The following CDH20 variants were observed in gnomAD, a reference collection of about 807,000 sequenced individuals.
CDH20 encodes the protein cadherin-20.
In CDH20, 29 loss-of-function variants were observed where a neutral mutation model predicts 74.2. The ratio of observed to expected loss-of-function variants is 0.39; its 90% confidence interval spans 0.29 to 0.53. The LOEUF (loss-of-function observed/expected upper bound fraction) is 0.53. Ranked by LOEUF, CDH20 falls within the 20% of genes least tolerant of loss-of-function variation. The pLI, the probability that CDH20 is intolerant of heterozygous loss-of-function variation, is 0.69. For missense variants in CDH20, 988 were observed against 1,048.3 expected (o/e 0.94, Z 0.79); for synonymous variants, 469 against 405.4 (o/e 1.16, Z -1.88).
intron 1 of CDH20, among the ~76,000 whole-genome samples, chr18:61,482,066 T>G (rs1055339980): frequency 6.6e-6 from 1 of 151,298 alleles, no homozygotes; most frequent in Non-Finnish European, 1.5e-5. Flanking sequence ...TTTACCAGGT[T>G]AGCCACAGAG....
chr18:61,499,138 G>A, intron 2 of CDH20, 48 bp from the exon 3 acceptor site: 1 of 1,403,904 alleles, frequency 7.1e-7, no homozygotes, highest in Non-Finnish European at 9.6e-7. Flanking sequence ...TGTGTTTTCT[G>A]ACACCTGTTG....
At chr18:61,550,376 C>T (rs1913393493) in intron 11 of CDH20, 147 bp downstream of exon 11, 1 of 972,092 alleles carries the variant, frequency 1.0e-6, no homozygotes, top group Non-Finnish European at 1.5e-6. Context: ...GCACAAAAAA[C>T]AGTAAAGAAA....
In CDH20 at chr18:61,499,326, G is replaced by A; in HGVS notation, c.387G>A (p.Gln129=). 1 of 1,614,038 alleles carries A rather than the reference G, an allele frequency of 6.2e-7. No individual in the cohort carries two copies. The highest frequency in any genetic ancestry group is 8.5e-7 in the Non-Finnish European group (1 of 1,179,954). ...IQRLDREERA[Q]YTLRAQALDR... The stretch of plus-strand genomic sequence containing the variant: ...GGCTCGACCGAGAGGAAAGAGCCCA[G>A]TATACTCTAAGGGCTCAAGCCCTAG... Residue 129 remains glutamine, a synonymous_variant, in exon 3 of 12, where the codon CAG becomes CAA. Transcript: ENST00000262717.
At chr18:61,492,138 C>T (rs778069312) in intron 2 of CDH20, among the ~76,000 whole-genome samples, 1 of 152,072 alleles carries the variant, frequency 6.6e-6, no homozygotes, top group Non-Finnish European at 1.5e-5. Context: ...GTAGTGTGTC[C>T]AGTAAGAAAC....
At chr18:61,421,761 A>G (rs1912887650) in intron 1 of CDH20, among the ~76,000 whole-genome samples, 1 of 152,184 alleles carries the variant, frequency 6.6e-6, no homozygotes, top group Non-Finnish European at 1.5e-5. Context: ...ATGTATACCT[A>G]ATATGTATCA....
chr18:61,366,994 TG>T (rs1910883650), intron 1 of CDH20, among the ~76,000 whole-genome samples: 1 of 152,160 alleles, frequency 6.6e-6, no homozygotes, highest in South Asian at 2.1e-4. Flanking sequence ...ATCTGTGGTA[TG>T]ACTTAGAGGT....
chr18:61,361,915 T>C (rs1158359774), intron 1 of CDH20, among the ~76,000 whole-genome samples: 1 of 152,198 alleles, frequency 6.6e-6, no homozygotes, highest in Non-Finnish European at 1.5e-5. Flanking sequence ...TGATTATAAT[T>C]ACAGTATTAG....
In CDH20 at chr18:61,348,863, T is replaced by C. The variant is rs923292390; in HGVS notation, c.-153+15036T>C. Among the ~76,000 whole-genome samples the C allele has an allele frequency of 2.6e-5, 4 of 152,302 alleles. No homozygotes were observed. In the East Asian group the frequency reaches 7.7e-4, roughly 29 times the overall value. ...AAAACTATGAATAACTACATTTTAT[T>C]TTTATTCCTTGGAATCTAGGTGTAG... On this transcript the variant is annotated intron_variant, in intron 1 of 11. Coordinates refer to ENST00000262717, the MANE Select transcript of CDH20 (RefSeq NM_031891.4).
At chr18:61,463,948 C>T (rs59523854) in intron 1 of CDH20, among the ~76,000 whole-genome samples, 2,069 of 152,170 alleles carry the variant, frequency 0.014, 50 homozygotes, top group African/African-American at 0.048. Flanking sequence ...CTGCCCACAC[C>T]GAGCCTGGAA....
chr18:61,451,340 G>C (rs1909380517), intron 1 of CDH20, among the ~76,000 whole-genome samples: 1 of 151,858 alleles, frequency 6.6e-6, no homozygotes, highest in African/African-American at 2.4e-5. Flanking sequence ...AAAAACAAAG[G>C]TAATAAATAC....
At chr18:61,366,814 AT>A (rs1489718216) in intron 1 of CDH20, among the ~76,000 whole-genome samples, 1 of 152,110 alleles carries the variant, frequency 6.6e-6, no homozygotes, top group Non-Finnish European at 1.5e-5. Flanking sequence ...TTGTAAAAAA[AT>A]CTCTTCCTGC....
chr18:61,437,227 A>G (rs1908867648), intron 1 of CDH20, among the ~76,000 whole-genome samples: 3 of 152,176 alleles, frequency 2.0e-5, no homozygotes, highest in Admixed American at 2.0e-4. Flanking sequence ...ATGTCTTTAT[A>G]GGTTCTTCCC....
intron 1 of CDH20, among the ~76,000 whole-genome samples, chr18:61,422,638 G>A (rs1175538478): frequency 1.3e-5 from 2 of 151,894 alleles, no homozygotes; most frequent in Admixed American, 1.3e-4. Flanking sequence ...TGGGAGCCAA[G>A]ATTCTGAAAA....
chr18:61,443,624 G>T (rs185840587), intron 1 of CDH20, among the ~76,000 whole-genome samples: 90 of 152,202 alleles, frequency 5.9e-4, no homozygotes, highest in Non-Finnish European at 1.3e-4. Context: ...GCCCACAAAA[G>T]AATGCAAATC....
At chr18:61,448,260 A>G (rs921542224) in intron 1 of CDH20, among the ~76,000 whole-genome samples, 2 of 152,190 alleles carry the variant, frequency 1.3e-5, no homozygotes, top group African/African-American at 4.8e-5. Context: ...GCCCTCACCC[A>G]ATTACAGCAT....
chr18:61,538,609 T>TTG (rs1912905623), intron 8 of CDH20, among the ~76,000 whole-genome samples: 2 of 30,716 alleles, frequency 6.5e-5, no homozygotes, highest in African/African-American at 1.9e-4. Flanking sequence ...TTTGTTTTTG[T>TTG]TTTTGTTTTT....
chr18:61,397,493 C>T (rs1912023053), intron 1 of CDH20, among the ~76,000 whole-genome samples: 1 of 152,126 alleles, frequency 6.6e-6, no homozygotes, highest in Non-Finnish European at 1.5e-5. Flanking sequence ...TCCTTTTAAC[C>T]AACCCTGCCT....
intron 1 of CDH20, among the ~76,000 whole-genome samples, chr18:61,338,187 C>T (rs1006881037): frequency 6.6e-6 from 1 of 152,196 alleles, no homozygotes; most frequent in South Asian, 2.1e-4. Flanking sequence ...ATGAAACTAG[C>T]TCTCAGAAGA....
intron 9 of CDH20, among the ~76,000 whole-genome samples, chr18:61,541,975 T>C (rs937011888): frequency 1.3e-5 from 2 of 152,144 alleles, no homozygotes; most frequent in African/African-American, 4.8e-5. Context: ...CTTAGCGATT[T>C]GTATCTTCAC....
Sources: allele counts gnomAD v4.1 joint callset (sites outside exome capture counted in the v4.1 genomes callset), GRCh38; gene constraint gnomAD v4.1.1; transcripts MANE v1.5; gene names NCBI Gene and HGNC (gene_info 2026-07-23, HGNC 2026-07-21).